TMEM108: variants seen among roughly 807,000 people sequenced by gnomAD.
TMEM108 encodes cancer/testis antigen 124.
In TMEM108, 12 loss-of-function variants were observed where a neutral mutation model predicts 35.1. That is an observed-to-expected ratio of 0.34 (90% CI 0.22 to 0.55). TMEM108 has a LOEUF of 0.55. Ranked by LOEUF, TMEM108 falls within the 20% of genes least tolerant of loss-of-function variation. The probability of loss-of-function intolerance (pLI) is 0.89; values close to 1 mark genes in which losing one functional copy is unlikely to be tolerated. For synonymous variants in TMEM108, 287 were observed against 308.6 expected, an observed-to-expected ratio of 0.93 and a Z score of 0.73; for missense variants, 680 against 753.3, an observed-to-expected ratio of 0.90 and a Z score of 1.14.
chr3:133,079,722 G>T (rs1943786745), intron 2 of TMEM108, among the ~76,000 whole-genome samples: 1 of 152,206 alleles, frequency 6.6e-6, no homozygotes, highest in Admixed American at 6.5e-5. Flanking sequence ...GTAAGGAACT[G>T]CAGGTCAGAA....
intron 2 of TMEM108, among the ~76,000 whole-genome samples, chr3:133,226,930 T>A (rs994380251): frequency 2.0e-5 from 3 of 152,106 alleles, no homozygotes; most frequent in African/African-American, 7.2e-5. Flanking sequence ...TCACATCTTA[T>A]GTGGATGGTG....
chr3:133,249,951 A>AT (rs1439574840), intron 3 of TMEM108, among the ~76,000 whole-genome samples: 1 of 152,114 alleles, frequency 6.6e-6, no homozygotes, highest in Admixed American at 6.6e-5. Context: ...TATGTTTTTA[A>AT]TTTTTTTAAG....
intron 3 of TMEM108, among the ~76,000 whole-genome samples, chr3:133,327,270 T>C (rs2071343823): frequency 6.6e-6 from 1 of 152,240 alleles, no homozygotes; most frequent in Non-Finnish European, 1.5e-5. Context: ...CACTGGGCTT[T>C]CTTTGAAGAA....
chr3:133,255,584 G>A (rs908533912), intron 3 of TMEM108, among the ~76,000 whole-genome samples: 6 of 152,210 alleles, frequency 3.9e-5, no homozygotes, highest in East Asian at 1.9e-4. Context: ...GTTCAAGAAC[G>A]AGAGAATAGA....
intron 3 of TMEM108, among the ~76,000 whole-genome samples, chr3:133,290,770 CT>C: frequency 6.6e-6 from 1 of 152,214 alleles, no homozygotes; most frequent in African/African-American, 2.4e-5. Flanking sequence ...TGGCGTGTAA[CT>C]TTTTTTCTTC....
At chr3:133,148,820 A>T (rs1944757785) in intron 2 of TMEM108, among the ~76,000 whole-genome samples, 1 of 152,008 alleles carries the variant, frequency 6.6e-6, no homozygotes, top group Non-Finnish European at 1.5e-5. Flanking sequence ...GCATAGTGAG[A>T]CCCCATCTCT....
At chr3:133,122,449 A>G (rs1350943837) in intron 2 of TMEM108, among the ~76,000 whole-genome samples, 4 of 152,218 alleles carry the variant, frequency 2.6e-5, no homozygotes, top group Non-Finnish European at 5.9e-5. Flanking sequence ...TTACGCAGGG[A>G]TACCTGAATG....
chr3:133,154,243 T>G (rs1559849645), intron 2 of TMEM108, among the ~76,000 whole-genome samples: 1 of 152,072 alleles, frequency 6.6e-6, no homozygotes, highest in Non-Finnish European at 1.5e-5. Context: ...GTAGGTTGCC[T>G]GTTCACTCTG....
chr3:133,223,444 G>C (rs145109972), intron 2 of TMEM108, among the ~76,000 whole-genome samples: 1 of 152,304 alleles, frequency 6.6e-6, no homozygotes, highest in African/African-American at 2.4e-5. Flanking sequence ...GCATGGGCCT[G>C]GAGCATGGGT....
intron 3 of TMEM108, among the ~76,000 whole-genome samples, chr3:133,277,645 G>A (rs989879773): frequency 6.6e-6 from 1 of 152,158 alleles, no homozygotes; most frequent in Non-Finnish European, 1.5e-5. Flanking sequence ...GCCGGGCACC[G>A]CATTGTTCTA....
chr3:133,225,704 G>A (rs1450653923), intron 2 of TMEM108, among the ~76,000 whole-genome samples: 1 of 141,486 alleles, frequency 7.1e-6, no homozygotes, highest in Non-Finnish European at 1.5e-5. Context: ...TAAAAAAAAA[G>A]CAATCTCAAG....
intron 2 of TMEM108, among the ~76,000 whole-genome samples, chr3:133,052,815 C>T (rs1943423005): frequency 6.6e-6 from 1 of 152,078 alleles, no homozygotes; most frequent in Non-Finnish European, 1.5e-5. Flanking sequence ...GATGTTTGGG[C>T]TCTCTGGTCA....
chr3:133,235,735 C>T (rs1359466427), intron 3 of TMEM108, among the ~76,000 whole-genome samples: 5 of 152,162 alleles, frequency 3.3e-5, no homozygotes, highest in African/African-American at 1.2e-4. Context: ...GTGGAACCTT[C>T]TGGTTCACAA....
chr3:133,287,702 A>G (rs1559893086), intron 3 of TMEM108, among the ~76,000 whole-genome samples: 1 of 152,248 alleles, frequency 6.6e-6, no homozygotes, highest in Non-Finnish European at 1.5e-5. Context: ...GATGTTTGCT[A>G]TAGATGGTTT....
intron 3 of TMEM108, among the ~76,000 whole-genome samples, chr3:133,243,037 G>A (rs969547090): frequency 4.6e-5 from 7 of 152,180 alleles, no homozygotes; most frequent in Non-Finnish European, 1.5e-5. Context: ...AAGCAATATT[G>A]TGCCAGGGAA....
chr3:133,045,770 A>C (rs1430282012), intron 1 of TMEM108, 132 bp from the exon 2 acceptor site: 2 of 152,366 alleles, frequency 1.3e-5, no homozygotes, highest in African/African-American at 4.8e-5. Flanking sequence ...ATCAGAAATA[A>C]ATTTTTATTG....
At chr3:133,168,710 A>C (rs187753178) in intron 2 of TMEM108, among the ~76,000 whole-genome samples, 1 of 152,252 alleles carries the variant, frequency 6.6e-6, no homozygotes, top group African/African-American at 2.4e-5. Flanking sequence ...AGCAGCGGCA[A>C]CCCACTCAGG....
intron 2 of TMEM108, 113 bp from the exon 3 acceptor site, chr3:133,229,153 C>T: frequency 1.6e-6 from 1 of 621,686 alleles, no homozygotes; most frequent in Non-Finnish European, 2.7e-6. Flanking sequence ...GATTTTTTCT[C>T]TTTGAAATTG....
intron 4 of TMEM108, chr3:133,387,051 C>T (rs1205831136): frequency 2.0e-6 from 2 of 985,522 alleles, no homozygotes; most frequent in Non-Finnish European, 2.4e-6. Flanking sequence ...AAAGGTGAGA[C>T]CACTGAAATA....
Sources: gnomAD v4.1 joint callset for allele counts (sites outside exome capture counted in the v4.1 genomes callset) on GRCh38, gnomAD v4.1.1 for gene constraint, MANE v1.5 for transcripts, NCBI Gene and HGNC (gene_info 2026-07-23, HGNC 2026-07-21) for gene names.